Variants in BICC1 observed in about 807,000 individuals in gnomAD.
BICC1 encodes the protein BicC family RNA binding protein 1.
BICC1 carries 43 observed loss-of-function variants against 111.0 expected under a neutral mutation model. The ratio of observed to expected loss-of-function variants is 0.39; its 90% confidence interval spans 0.30 to 0.50. The LOEUF (loss-of-function observed/expected upper bound fraction) is 0.50. Among genes scored for constraint, BICC1 ranks in the 20% least tolerant of loss-of-function variants. BICC1 has a pLI of 0.88. For synonymous variants in BICC1, 467 were observed against 434.4 expected, an observed-to-expected ratio of 1.07 and a Z score of -0.93; for missense variants, 1,091 against 1,203.2, an observed-to-expected ratio of 0.91 and a Z score of 1.38.
intron 2 of BICC1, among the ~76,000 whole-genome samples, chr10:58,682,245 A>G (rs1342406838): frequency 1.3e-5 from 2 of 152,008 alleles, no homozygotes; most frequent in East Asian, 1.9e-4. Context: ...TATGTGCCAC[A>G]TTTTCTTAAT....
intron 3 of BICC1, among the ~76,000 whole-genome samples, chr10:58,744,817 A>T (rs1215040602): frequency 1.3e-5 from 2 of 152,184 alleles, no homozygotes; most frequent in Admixed American, 6.6e-5. Flanking sequence ...TTGTGAAGAT[A>T]CTGGGTAATA....
intron 17 of BICC1, among the ~76,000 whole-genome samples, chr10:58,810,449 T>TA: frequency 6.6e-6 from 1 of 152,190 alleles, no homozygotes; most frequent in South Asian, 2.1e-4. Flanking sequence ...AATGGAAAGA[T>TA]ATGATCTTTT....
At chr10:58,824,049 A>G in intron 20 of BICC1, 1 of 984,494 alleles carries the variant, frequency 1.0e-6, no homozygotes, top group Non-Finnish European at 1.2e-6. Context: ...CTATTTAAAA[A>G]TTAAATTTGG....
chr10:58,529,904 A>G (rs1302661345), intron 1 of BICC1, among the ~76,000 whole-genome samples: 2 of 151,880 alleles, frequency 1.3e-5, no homozygotes, highest in Non-Finnish European at 2.9e-5. Flanking sequence ...CATTATAAAA[A>G]TGGATCTGGA....
At chr10:58,676,616 C>G (rs1229549849) in intron 2 of BICC1, among the ~76,000 whole-genome samples, 1 of 152,122 alleles carries the variant, frequency 6.6e-6, no homozygotes, top group Non-Finnish European at 1.5e-5. Flanking sequence ...GCTGTGGGTA[C>G]AGCATCAGCA....
rs1844542428 is a variant in BICC1, at chr10:58,831,207, TTGA to T, written c.*2321_*2323del. On this transcript the variant is annotated 3_prime_UTR_variant, in exon 21 of 21. Coordinates refer to ENST00000373886, the MANE Select transcript of BICC1 (RefSeq NM_001080512.3). ...GTTGTTATATGATGCACAAAATATT[TTGA>T]TGATTTGAATAAATGTTAACTTTTA... The T allele has an allele frequency of 6.6e-6, 1 of 152,178 alleles. No homozygotes were observed. The highest frequency in any genetic ancestry group is 2.1e-4 in the South Asian group (1 of 4,824). 9.4% of individuals were successfully genotyped at this position (152,178 alleles called of 1,614,324 possible).
At chr10:58,552,586 C>G (rs566150332) in intron 1 of BICC1, among the ~76,000 whole-genome samples, 2 of 152,104 alleles carry the variant, frequency 1.3e-5, no homozygotes, top group Non-Finnish European at 2.9e-5. Flanking sequence ...CCACCCGCCT[C>G]GGCGTCCCAA....
At chr10:58,694,660 A>G (rs1170496819) in intron 2 of BICC1, among the ~76,000 whole-genome samples, 4 of 152,186 alleles carry the variant, frequency 2.6e-5, no homozygotes, top group Non-Finnish European at 5.9e-5. Context: ...GCATTCCATT[A>G]AAACCTCCTA....
chr10:58,568,175 A>T (rs908966277), intron 1 of BICC1, among the ~76,000 whole-genome samples: 3 of 152,104 alleles, frequency 2.0e-5, no homozygotes, highest in Non-Finnish European at 4.4e-5. Flanking sequence ...GGACTAGATG[A>T]GGAGATACAG....
At chr10:58,531,321 AAAAG>A (rs1313344459) in intron 1 of BICC1, among the ~76,000 whole-genome samples, 1 of 151,786 alleles carries the variant, frequency 6.6e-6, no homozygotes, top group Non-Finnish European at 1.5e-5. Flanking sequence ...AGACTCCTGA[AAAAG>A]AAACCAGAAA....
chr10:58,766,946 T>C (rs1296077874), intron 3 of BICC1, among the ~76,000 whole-genome samples: 1 of 149,066 alleles, frequency 6.7e-6, no homozygotes, highest in African/African-American at 2.5e-5. Context: ...TAGGGAAAGG[T>C]GGGGATGGGG....
intron 3 of BICC1, among the ~76,000 whole-genome samples, chr10:58,779,709 T>G (rs914335181): frequency 9.8e-5 from 15 of 152,330 alleles, no homozygotes; most frequent in Non-Finnish European, 2.1e-4. Flanking sequence ...TGCGATTAAC[T>G]GTAGACACCA....
rs1370838746 is a variant in BICC1 at position 58,513,248 on chromosome 10, G to C, written c.105G>C (p.Leu35Phe). The change falls in exon 1 of 21, where the codon TTG becomes TTC. Residue 35 changes from leucine to phenylalanine, a missense_variant. Leu to Phe is a conservative substitution (Grantham distance 22). Transcript: ENST00000373886. ...CAGTGCCCGGCTCCGAGGACGACTT[G>C]GTCGCCGGGGCGACCCTGCACAGCC... ...DSPVPGSEDD[L>F]VAGATLHSPE... 2 of 1,613,096 alleles carry C rather than the reference G, an allele frequency of 1.2e-6. No homozygotes were observed. The highest frequency in any genetic ancestry group is 1.7e-5 in the Admixed American group (1 of 59,992).
At chr10:58,681,215 G>A (rs542827422) in intron 2 of BICC1, among the ~76,000 whole-genome samples, 38 of 152,222 alleles carry the variant, frequency 2.5e-4, no homozygotes, top group Non-Finnish European at 4.1e-4. Flanking sequence ...AGCAACTGTC[G>A]TCAGAGTGAA....
At chr10:58,569,176 A>G (rs1486224631) in intron 1 of BICC1, among the ~76,000 whole-genome samples, 5 of 152,166 alleles carry the variant, frequency 3.3e-5, no homozygotes, top group African/African-American at 1.2e-4. Flanking sequence ...CAGCACTTCA[A>G]GTTAAGTAAG....
In BICC1 at chr10:58,604,227, G is replaced by C. The variant is rs539902926; in HGVS notation, c.191-16628G>C. Among the ~76,000 whole-genome samples, 86 of 152,270 alleles carry C rather than the reference G, an allele frequency of 5.6e-4. No individual in the cohort carries two copies. The Middle Eastern group carries it at 0.01, about 18-fold the overall frequency. ...CCCACTGGGGAGAGGTGGGGCAGTAGAACTCCTGAGACTTGCTACTGCTGT... is the reference window on the plus strand; with the variant it reads ...CCCACTGGGGAGAGGTGGGGCAGTACAACTCCTGAGACTTGCTACTGCTGT... On this transcript the variant is annotated intron_variant, in intron 1 of 20. Transcript: ENST00000373886.
intron 3 of BICC1, among the ~76,000 whole-genome samples, chr10:58,767,867 A>G (rs917595520): frequency 2.0e-5 from 3 of 152,064 alleles, no homozygotes; most frequent in Non-Finnish European, 4.4e-5. Context: ...TCGATCAAGC[A>G]GAAGAAAGGA....
chr10:58,580,818 A>G (rs904032141), intron 1 of BICC1, among the ~76,000 whole-genome samples: 11 of 152,210 alleles, frequency 7.2e-5, no homozygotes, highest in African/African-American at 2.4e-4. Flanking sequence ...AACTCAGTGT[A>G]TGAAGGAGCT....
chr10:58,569,682 G>A (rs1001722351), intron 1 of BICC1, among the ~76,000 whole-genome samples: 9 of 152,136 alleles, frequency 5.9e-5, no homozygotes, highest in African/African-American at 1.7e-4. Flanking sequence ...GAGAATGATC[G>A]TTTCCAGCTT....
Sources: gnomAD v4.1 joint callset for allele counts (sites outside exome capture counted in the v4.1 genomes callset) on GRCh38, gnomAD v4.1.1 for gene constraint, MANE v1.5 for transcripts, NCBI Gene and HGNC (gene_info 2026-07-23, HGNC 2026-07-21) for gene names.